The following BMI1 variants were observed in gnomAD, a reference collection of about 807,000 sequenced individuals.
BMI1 encodes the protein BMI1 proto-oncogene, polycomb ring finger.
In BMI1, 9 loss-of-function variants were observed where a neutral mutation model predicts 39.1. The ratio of observed to expected loss-of-function variants is 0.23; its 90% CI spans 0.14 to 0.40. The LOEUF (loss-of-function observed/expected upper bound fraction) is 0.40. BMI1 is among the 10% of genes least tolerant of loss of function. The probability of loss-of-function intolerance (pLI) is 1.00; values close to 1 mark genes in which losing one functional copy is unlikely to be tolerated. For synonymous variants in BMI1, 131 were observed against 127.9 expected, an observed-to-expected ratio of 1.02 and a Z score of -0.16; for missense variants, 252 against 390.8, an observed-to-expected ratio of 0.64 and a Z score of 2.99.
At position 22,321,382 on chromosome 10, in the gene BMI1, G is replaced by T; in HGVS notation, c.-334G>T. On this transcript the variant is annotated 5_prime_UTR_variant, in exon 1 of 10. Coordinates refer to ENST00000376663, the MANE Select transcript of BMI1 (RefSeq NM_005180.9). ...CCCGAGTGCGGAGCGGGAGGAGGCG[G>T]CGGCGGCCGAGGAGGAGGAGGAGGA... 6.2e-6 allele frequency: 1 copy of T among 160,132 alleles called. No homozygotes were observed. The highest frequency in any genetic ancestry group is 6.5e-5 in the Admixed American group (1 of 15,368). 9.9% of individuals were successfully genotyped at this position (160,132 alleles called of 1,614,324 possible).
At position 22,329,506 on chromosome 10, in the gene BMI1, A is replaced by G. The variant is rs987052300; in HGVS notation, c.945A>G (p.Ser315=). 4 of 1,614,078 alleles carry G rather than the reference A, an allele frequency of 2.5e-6. No individual in the cohort carries two copies. In the African/African-American group the frequency reaches 4.0e-5, roughly 16 times the overall value. ...QSSFANRPRK[S]SVNGSSATSS... ...CTTTTGCCAATAGACCTCGAAAATC[A>G]TCAGTAAATGGGTCATCAGCAACTT... Residue 315 remains serine (S), a synonymous_variant, in exon 10 of 10, where the codon TCA becomes TCG. Coordinates refer to ENST00000376663, the MANE Select transcript of BMI1 (RefSeq NM_005180.9).
At chr10:22,327,928 AC>A (rs1836196261) in intron 5 of BMI1, 21 bp from the exon 6 acceptor site, 1 of 1,584,134 alleles carries the variant, frequency 6.3e-7, no homozygotes, top group Non-Finnish European at 8.5e-7. Context: ...TTTAAAAATT[AC>A]ATTTCACTAT....
At chr10:22,326,803 T>A in intron 2 of BMI1, 87 bp from the exon 3 acceptor site, 1 of 1,509,234 alleles carries the variant, frequency 6.6e-7, no homozygotes, top group Non-Finnish European at 9.1e-7. Flanking sequence ...TTCACCATCT[T>A]GTTTTCTACT....
intron 1 of BMI1, among the ~76,000 whole-genome samples, chr10:22,324,509 A>G (rs1197202523): frequency 6.6e-6 from 1 of 152,232 alleles, no homozygotes; most frequent in Non-Finnish European, 1.5e-5. Flanking sequence ...CAGTCACACA[A>G]GAAGTTTTCT....
At chr10:22,327,573 T>C (rs1369675438) in intron 3 of BMI1, 22 bp from the exon 4 acceptor site, 1 of 1,577,792 alleles carries the variant, frequency 6.3e-7, no homozygotes, top group African/African-American at 1.4e-5. Context: ...ATTCATAGTT[T>C]TCTATTTTAA....
At position 22,328,129 on chromosome 10, in the gene BMI1, A is replaced by G; in HGVS notation, c.426-5A>G. 6.3e-7 allele frequency: 1 copy of G among 1,599,392 alleles called. No individual in the cohort carries two copies. Among genetic ancestry groups the G allele is most frequent in the South Asian group, 1.1e-5 (1 of 87,380 alleles). On this transcript the variant is annotated splice_region_variant and splice_polypyrimidine_tract_variant and intron_variant, in intron 6 of 9. Coordinates refer to ENST00000376663, the MANE Select transcript of BMI1 (RefSeq NM_005180.9). ...TGTTTCACTAATAAATTTTCTCTTT[A>G]TTAGATTGGATCGGAAAGTAAACAA...
intron 3 of BMI1, among the ~76,000 whole-genome samples, chr10:22,327,238 C>G (rs1220400604): frequency 2.0e-5 from 3 of 152,050 alleles, no homozygotes; most frequent in African/African-American, 7.2e-5. Context: ...AGTTAGTTCA[C>G]CTTTTTTGCA....
chr10:22,328,854 C>G (rs370726941), intron 8 of BMI1, among the ~76,000 whole-genome samples, 156 bp downstream of exon 8: 2 of 152,216 alleles, frequency 1.3e-5, no homozygotes, highest in East Asian at 1.9e-4. Flanking sequence ...TATACATTCT[C>G]TTTTATGCTA....
intron 1 of BMI1, 87 bp from the exon 2 acceptor site, chr10:22,326,344 A>G: frequency 6.5e-7 from 1 of 1,549,880 alleles, no homozygotes; most frequent in Non-Finnish European, 8.7e-7. Context: ...AATGAGTTTT[A>G]TAAATTCAGT....
At chr10:22,326,170 C>T (rs548665511) in intron 1 of BMI1, 3 of 369,218 alleles carry the variant, frequency 8.1e-6, no homozygotes, top group Non-Finnish European at 1.5e-5. Context: ...ATACGCTCAG[C>T]TCCCAGCCCC....
chr10:22,328,138 G>T lies in BMI1; in HGVS notation c.430G>T (p.Asp144Tyr). 2 of 1,600,550 alleles carry T rather than the reference G, an allele frequency of 1.2e-6. No homozygotes were observed. The highest frequency in any genetic ancestry group is 1.7e-6 in the Non-Finnish European group (2 of 1,176,214). ...AATAAATTTTCTCTTTATTAGATTG[G>T]ATCGGAAAGTAAACAAAGACAAAGA... ...SIEFFDQNRL[D>Y]RKVNKDKEKS... The change falls in exon 7 of 10, where the codon GAT becomes TAT. Residue 144 changes from aspartate (D) to tyrosine (Y), a missense_variant. Asp to Tyr is a radical substitution (Grantham distance 160). Around this residue, in one of 4 missense-constraint regions of BMI1, gnomAD observed 67 missense variants for 69.9 expected, o/e 0.96. Coordinates refer to ENST00000376663, the MANE Select transcript of BMI1 (RefSeq NM_005180.9).
chr10:22,323,869 G>A (rs1240269428), intron 1 of BMI1, among the ~76,000 whole-genome samples: 1 of 152,176 alleles, frequency 6.6e-6, no homozygotes, highest in Non-Finnish European at 1.5e-5. Context: ...TATCAAGCAC[G>A]TCAAACACTT....
rs1836197555 is a variant in BMI1 at position 22,328,013 on chromosome 10, A to G, written c.380A>G (p.Asp127Gly). 1 of 1,611,296 alleles carries G rather than the reference A, an allele frequency of 6.2e-7. No homozygotes were observed. Among genetic ancestry groups the G allele is most frequent in the Non-Finnish European group, 8.5e-7 (1 of 1,179,038 alleles). ...VADEDKRIIT[D>G]DEIISLSIEF... is the part of the protein sequence containing the mutation. ...GATGAAGATAAGAGAATTATAACTG[A>G]TGATGAGATAATAAGCTTATCCATT... The change falls in exon 6 of 10, where the codon GAT becomes GGT. Residue 127 changes from aspartate to glycine, a missense_variant. By Grantham distance (94) the Asp-to-Gly change is moderately conservative (BLOSUM62 -1). This residue lies in a region of BMI1 where 67 missense variants were observed against 69.9 expected (regional missense o/e 0.96). Transcript: ENST00000376663.
intron 1 of BMI1, among the ~76,000 whole-genome samples, chr10:22,324,805 TGAAGTTTATTTTTCAAGAATACTACAC>T (rs1048299492): frequency 6.6e-6 from 1 of 152,204 alleles, no homozygotes; most frequent in Non-Finnish European, 1.5e-5. Context: ...GAAGGGGGGT[TGAAGTTTATTTTTCAAGAATACTACAC>T]GAAGTATTTG....
chr10:22,328,485 T>G, intron 7 of BMI1, 115 bp from the exon 8 acceptor site: 3 of 1,014,410 alleles, frequency 3.0e-6, no homozygotes, highest in Non-Finnish European at 4.2e-6. Flanking sequence ...GTTGAGAGGT[T>G]GGTCACCTCC....
chr10:22,324,279 G>C (rs1836078020), intron 1 of BMI1, among the ~76,000 whole-genome samples: 1 of 152,190 alleles, frequency 6.6e-6, no homozygotes, highest in Admixed American at 6.5e-5. Context: ...AGAAATATCA[G>C]CTTGCTATCT....
intron 5 of BMI1, 72 bp downstream of exon 5, chr10:22,327,864 A>T (rs1209816912): frequency 1.2e-6 from 2 of 1,600,626 alleles, no homozygotes; most frequent in African/African-American, 2.7e-5. Flanking sequence ...ATGTATTAAA[A>T]TTGACTTTAC....
chr10:22,324,264 C>T (rs1300947679), intron 1 of BMI1, among the ~76,000 whole-genome samples: 1 of 152,142 alleles, frequency 6.6e-6, no homozygotes, highest in East Asian at 1.9e-4. Context: ...CTTTCACAGG[C>T]AAACAGAAAT....
At chr10:22,325,526 C>T (rs970298953) in intron 1 of BMI1, 1 of 150,816 alleles carries the variant, frequency 6.6e-6, no homozygotes, top group Non-Finnish European at 1.5e-5. Context: ...GCTCCCCGCT[C>T]CCCAGCGCTG....
Sources: allele counts gnomAD v4.1 joint callset (sites outside exome capture counted in the v4.1 genomes callset), GRCh38; gene constraint gnomAD v4.1.1; regional missense constraint gnomAD v4.1.1; transcripts MANE v1.5; gene names NCBI Gene and HGNC (gene_info 2026-07-23, HGNC 2026-07-21).